Variants in MBD5 observed in about 807,000 individuals in gnomAD.
MBD5 encodes the protein methyl-CpG binding domain protein 5, also known as methyl-CpG-binding domain protein 5.
In MBD5, 13 loss-of-function variants were observed where a neutral mutation model predicts 117.3. That is an observed-to-expected ratio of 0.11 (90% CI 0.07 to 0.18). The LOEUF (loss-of-function observed/expected upper bound fraction) is 0.18, where lower values mean the gene tolerates loss of function less well. Among genes scored for constraint, MBD5 ranks in the 10% least tolerant of loss-of-function variants. MBD5 has a pLI of 1.00. For synonymous variants in MBD5, 727 were observed against 766.4 expected, an observed-to-expected ratio of 0.95 and a Z score of 0.85; for missense variants, 1,879 against 2,093.8, an observed-to-expected ratio of 0.90 and a Z score of 2.00.
intron 8 of MBD5, among the ~76,000 whole-genome samples, chr2:148,473,039 T>G (rs1191971831): frequency 6.6e-6 from 1 of 152,142 alleles, no homozygotes; most frequent in African/African-American, 2.4e-5. Flanking sequence ...TCTGAAACAT[T>G]TAGTGCTCAA....
At chr2:148,338,703 G>T (rs187453173) in intron 3 of MBD5, among the ~76,000 whole-genome samples, 27 of 152,188 alleles carry the variant, frequency 1.8e-4, no homozygotes, top group African/African-American at 6.5e-4. Context: ...ACAGTTTAGA[G>T]ATCTGAGTCA....
intron 13 of MBD5, among the ~76,000 whole-genome samples, chr2:148,510,712 T>G (rs2105282292): frequency 6.6e-6 from 1 of 152,372 alleles, no homozygotes; most frequent in South Asian, 2.1e-4. Flanking sequence ...TAATTTCTTT[T>G]ATTTGACCTT....
intron 8 of MBD5, among the ~76,000 whole-genome samples, chr2:148,472,716 C>CCT (rs1680835674): frequency 6.6e-6 from 1 of 152,102 alleles, no homozygotes; most frequent in African/African-American, 2.4e-5. Flanking sequence ...CACAGCTTTT[C>CCT]CTCTAGGAGT....
chr2:148,469,192 A>G lies in MBD5; in HGVS notation c.1249A>G (p.Met417Val), dbSNP rs1250224277. The G allele has an allele frequency of 3.1e-6, 5 of 1,614,038 alleles. No homozygotes were observed. The South Asian group carries it at 3.3e-5, about 11-fold the overall frequency. ...ATTGCCAACTGTAAAACCTGGTCAC[A>G]TGAATCATGGGAGTCATGTACAAAG... is the stretch of plus-strand genomic sequence containing the variant. Reference protein sequence around the residue: ...LPLPTVKPGHMNHGSHVQRVQ... With the variant: ...LPLPTVKPGHVNHGSHVQRVQ... Residue 417 changes from methionine (M) to valine (V), a missense_variant, in exon 8 of 14, where the codon ATG becomes GTG. By Grantham distance (21) the Met-to-Val change is conservative. Coordinates refer to ENST00000642680, the MANE Select transcript of MBD5 (RefSeq NM_001378120.1).
chr2:148,446,182 G>A (rs1706507606), intron 4 of MBD5, among the ~76,000 whole-genome samples: 2 of 151,640 alleles, frequency 1.3e-5, no homozygotes, highest in Admixed American at 1.3e-4. Flanking sequence ...ATTGCTTTCG[G>A]TGTTTTAGAC....
intron 3 of MBD5, among the ~76,000 whole-genome samples, chr2:148,341,176 T>C (rs530422790): frequency 6.6e-6 from 1 of 152,112 alleles, no homozygotes; most frequent in East Asian, 1.9e-4. Context: ...CCCACCCCAA[T>C]ACTGTTTTGC....
intron 1 of MBD5, among the ~76,000 whole-genome samples, chr2:148,150,637 T>G (rs890846600): frequency 1.3e-5 from 2 of 151,830 alleles, no homozygotes; most frequent in African/African-American, 4.8e-5. Flanking sequence ...TTTGTAGTTC[T>G]CCTTGAAGAG....
chr2:148,063,188 T>C (rs1695087841), intron 1 of MBD5, among the ~76,000 whole-genome samples: 2 of 152,168 alleles, frequency 1.3e-5, no homozygotes, highest in South Asian at 4.1e-4. Context: ...GAGTTGTGGG[T>C]GGGTTGAGTA....
intron 3 of MBD5, among the ~76,000 whole-genome samples, chr2:148,321,222 C>A (rs909258562): frequency 2.0e-5 from 3 of 152,124 alleles, no homozygotes; most frequent in African/African-American, 7.2e-5. Flanking sequence ...GGTGTCCAAT[C>A]TCTTTGGCTT....
rs541066670 is a variant in MBD5 at position 148,506,473 on chromosome 2, C to T, written c.5037-3587C>T. On this transcript the variant is annotated intron_variant, in intron 12 of 13. Coordinates refer to ENST00000642680, the MANE Select transcript of MBD5 (RefSeq NM_001378120.1). Reference sequence around the variant, plus strand: ...TTTCCTGAGATCTGCATACATTCCCCATGGATTCAGTTTCAGAGCTCAGGG... The same window carrying T: ...TTTCCTGAGATCTGCATACATTCCCTATGGATTCAGTTTCAGAGCTCAGGG... Among the ~76,000 whole-genome samples, 50 of 152,300 alleles carry T rather than the reference C, an allele frequency of 3.3e-4. 1 individual carries two copies. The South Asian group carries it at 9.7e-3, about 30-fold the overall frequency.
chr2:148,468,536 A>C lies in MBD5; in HGVS notation c.593A>C (p.Tyr198Ser), dbSNP rs1574458887. Residue 198 changes from tyrosine (Y) to serine (S), a missense_variant, in exon 8 of 14, where the codon TAC (tyrosine) becomes TCC (serine). By Grantham distance (144) the Tyr-to-Ser change is moderately radical. Coordinates refer to ENST00000642680, the MANE Select transcript of MBD5 (RefSeq NM_001378120.1). ...CAACAACAAGAACTCCACCCTGTCT[A>C]CCCCCGACAGAGATTGGGCAGCAGT... ...GSQQQELHPVYPRQRLGSSEH... is the reference protein window; with the variant it reads ...GSQQQELHPVSPRQRLGSSEH... The C allele has an allele frequency of 1.2e-6, 2 of 1,613,748 alleles. No individual in the cohort carries two copies. The highest frequency in any genetic ancestry group is 1.7e-6 in the Non-Finnish European group (2 of 1,179,846).
At chr2:148,476,432 C>T (rs914542424) in intron 8 of MBD5, among the ~76,000 whole-genome samples, 10 of 152,104 alleles carry the variant, frequency 6.6e-5, no homozygotes, top group African/African-American at 2.2e-4. Context: ...TTATCCCATT[C>T]TATTTTATCT....
chr2:148,417,475 G>A (rs1252144652), intron 4 of MBD5, among the ~76,000 whole-genome samples: 1 of 151,982 alleles, frequency 6.6e-6, no homozygotes. Context: ...TAGATACCCA[G>A]TAGTGGGATT....
Position 148,111,970 on chromosome 2 carries a change from T to C in MBD5, c.-924-66730T>C, listed in dbSNP as rs1189088374. On this transcript the variant is annotated intron_variant, in intron 1 of 13. Transcript: ENST00000642680. ...AAAAGTTATATGAATGTGGTCTATC[T>C]CTCTCAAAATATTTTATTGAACCAT... Among the ~76,000 whole-genome samples the C allele has an allele frequency of 2.6e-5, 4 of 152,160 alleles. No individual in the cohort carries two copies. The East Asian group carries it at 7.7e-4, about 29-fold the overall frequency.
At chr2:148,340,202 C>T (rs1324238764) in intron 3 of MBD5, among the ~76,000 whole-genome samples, 8 of 152,158 alleles carry the variant, frequency 5.3e-5, no homozygotes, top group Non-Finnish European at 8.8e-5. Flanking sequence ...CCAATACCTT[C>T]ATGCCAGAAG....
At chr2:148,294,506 T>TTTTTTTTTGTTTTTTTTTTTTGTTTG (rs1397412173) in intron 3 of MBD5, among the ~76,000 whole-genome samples, 6 of 130,640 alleles carry the variant, frequency 4.6e-5, no homozygotes, top group African/African-American at 1.8e-4. Context: ...TTACAGTTTT[T>TTTTTTTTTGTTTTTTTTTTTTGTTTG]TTTTTTTTTT....
intron 1 of MBD5, among the ~76,000 whole-genome samples, chr2:148,035,028 G>A (rs1694151588): frequency 6.6e-6 from 1 of 152,016 alleles, no homozygotes; most frequent in African/African-American, 2.4e-5. Context: ...AAATTAGTAT[G>A]GTAATGCATA....
chr2:148,382,481 C>T (rs1704183647), intron 4 of MBD5, among the ~76,000 whole-genome samples: 1 of 152,138 alleles, frequency 6.6e-6, no homozygotes, highest in African/African-American at 2.4e-5. Flanking sequence ...TACAAAGTGA[C>T]TTAGACTCCC....
intron 2 of MBD5, among the ~76,000 whole-genome samples, chr2:148,222,676 G>A (rs1171718756): frequency 6.6e-6 from 1 of 151,604 alleles, no homozygotes; most frequent in Non-Finnish European, 1.5e-5. Flanking sequence ...GTGTGTTTGG[G>A]GTCTTTACAT....
Sources: allele counts gnomAD v4.1 joint callset (sites outside exome capture counted in the v4.1 genomes callset), GRCh38; gene constraint gnomAD v4.1.1; transcripts MANE v1.5; gene names NCBI Gene and HGNC (gene_info 2026-07-23, HGNC 2026-07-21).